The following PDE11A variants were observed in gnomAD, a reference collection of about 807,000 sequenced individuals.
The protein encoded by PDE11A is phosphodiesterase 11A.
In PDE11A, 100 loss-of-function variants were observed where a neutral mutation model predicts 100.5. That is an observed-to-expected ratio of 1.00 (90% CI 0.85 to 1.18). The LOEUF is 1.18. PDE11A is among the 50% of genes most tolerant of loss of function. The probability of loss-of-function intolerance (pLI) is 0.00; values close to 1 mark genes in which losing one functional copy is unlikely to be tolerated. For missense variants in PDE11A, 1,141 were observed against 1,152.6 expected, an observed-to-expected ratio of 0.99 and a Z score of 0.15; for synonymous variants, 381 against 420.8, an observed-to-expected ratio of 0.91 and a Z score of 1.16.
intron 2 of PDE11A, among the ~76,000 whole-genome samples, chr2:177,906,834 T>A (rs1243788770): frequency 1.3e-5 from 2 of 152,224 alleles, no homozygotes; most frequent in Non-Finnish European, 2.9e-5. Context: ...ACTTTCAATA[T>A]CACCTACACA....
Position 177,679,735 on chromosome 2 carries a change from C to A in PDE11A, c.2423+1091G>T, listed in dbSNP as rs139417905. Among the ~76,000 whole-genome samples the A allele has an allele frequency of 1.3e-3, 197 of 151,840 alleles. 1 individual carries two copies. The highest frequency in any genetic ancestry group is 4.6e-3 in the African/African-American group (191 of 41,390). On this transcript the variant is annotated intron_variant, in intron 16 of 19. Coordinates refer to ENST00000286063, the MANE Select transcript of PDE11A (RefSeq NM_016953.4). The stretch of plus-strand genomic sequence containing the variant: ...AGGGATGACTTTTTGATTGGGGAGG[C>A]AGAAGTGTGTTTTTAGGTCTAGAAA...
intron 2 of PDE11A, among the ~76,000 whole-genome samples, chr2:177,928,091 C>T (rs1441596364): frequency 5.4e-5 from 6 of 110,748 alleles, no homozygotes; most frequent in East Asian, 2.5e-4. Context: ...GCAACAAGAG[C>T]GAAACTCCAT....
chr2:177,880,567 G>T (rs2084314479), intron 4 of PDE11A, among the ~76,000 whole-genome samples: 1 of 152,180 alleles, frequency 6.6e-6, no homozygotes, highest in African/African-American at 2.4e-5. Context: ...AACTGTGAGT[G>T]TAACAGCTTT....
Position 177,701,185 on chromosome 2 carries a change from T to C in PDE11A, c.2180A>G (p.Tyr727Cys), listed in dbSNP as rs17400325. The C allele has an allele frequency of 0.036, 57,965 of 1,602,844 alleles. 1,255 individuals are homozygous for C. The highest frequency in any genetic ancestry group is 0.08 in the Middle Eastern group (479 of 6,012). The change falls in exon 14 of 20, where the codon TAT becomes TGT. Residue 727 changes from tyrosine (Y) to cysteine (C), a missense_variant. By Grantham distance (194) the Tyr-to-Cys change is radical (BLOSUM62 -2). Transcript: ENST00000286063. Reference protein sequence around the residue: ...AKSGSALAQLYGTSATLEHHH... With the variant: ...AKSGSALAQLCGTSATLEHHH... ...ATGCTCCAAGGTAGCAGAGGTTCCA[T>C]AGAGTTGGGCCAGGGCAGAGCCACT...
At chr2:177,997,698 TG>T in intron 2 of PDE11A, 1 of 1,552,596 alleles carries the variant, frequency 6.4e-7, no homozygotes, top group Non-Finnish European at 8.9e-7. Flanking sequence ...TTAAGAAATC[TG>T]GAAGTTTTTG....
chr2:177,875,177 T>C (rs1208251627), intron 5 of PDE11A, among the ~76,000 whole-genome samples: 4 of 151,824 alleles, frequency 2.6e-5, no homozygotes, highest in South Asian at 4.2e-4. Context: ...TGAGCCAAGA[T>C]TGCAGTGCTT....
intron 2 of PDE11A, among the ~76,000 whole-genome samples, chr2:177,966,313 T>C (rs1232170558): frequency 6.6e-6 from 1 of 152,200 alleles, no homozygotes; most frequent in Non-Finnish European, 1.5e-5. Context: ...GAGAAATAGT[T>C]TGACTTCCTC....
At chr2:178,074,359 T>C (rs1023414660), upstream of PDE11A, among the ~76,000 whole-genome samples, 4 of 152,156 alleles carry the variant, frequency 2.6e-5, no homozygotes, top group African/African-American at 9.7e-5. Flanking sequence ...ATGAATCGTA[T>C]GGTATGTAAG....
At chr2:177,965,282 T>C (rs2085684430) in intron 2 of PDE11A, among the ~76,000 whole-genome samples, 1 of 152,240 alleles carries the variant, frequency 6.6e-6, no homozygotes, top group Non-Finnish European at 1.5e-5. Context: ...CTTTGTCAGA[T>C]GCATAATTTG....
intron 10 of PDE11A, among the ~76,000 whole-genome samples, chr2:177,761,491 T>A (rs1358083916): frequency 6.6e-6 from 1 of 152,228 alleles, no homozygotes; most frequent in African/African-American, 2.4e-5. Context: ...ATATAAGGGT[T>A]ACCAAATGAG....
At chr2:177,659,421 A>T (rs1023911703) in intron 19 of PDE11A, among the ~76,000 whole-genome samples, 6 of 152,202 alleles carry the variant, frequency 3.9e-5, no homozygotes, top group African/African-American at 1.4e-4. Flanking sequence ...TAATGGAAAG[A>T]GAAAATTATT....
At chr2:177,834,602 C>G (rs968486220) in intron 6 of PDE11A, among the ~76,000 whole-genome samples, 1 of 152,170 alleles carries the variant, frequency 6.6e-6, no homozygotes, top group Non-Finnish European at 1.5e-5. Context: ...GGCCAGTGTT[C>G]CCCACCAGGC....
At chr2:178,079,178 A>G (rs2087252017) in intron 2 of PDE11A, among the ~76,000 whole-genome samples, 1 of 152,206 alleles carries the variant, frequency 6.6e-6, no homozygotes, top group African/African-American at 2.4e-5. Flanking sequence ...TCTGGGGCAC[A>G]TGTGCAGGGT....
chr2:177,946,503 A>G (rs1317353686), intron 2 of PDE11A, among the ~76,000 whole-genome samples: 1 of 22,876 alleles, frequency 4.4e-5, no homozygotes, highest in Non-Finnish European at 7.6e-5. Context: ...CCCGGGAAGG[A>G]GGTGGGGGGG....
chr2:177,793,487 G>C (rs1237390410), intron 9 of PDE11A, among the ~76,000 whole-genome samples: 1 of 147,298 alleles, frequency 6.8e-6, no homozygotes, highest in East Asian at 2.0e-4. Context: ...GGCTGGATGA[G>C]GATGGTGGAT....
At chr2:178,023,435 C>G (rs1489003872) in intron 1 of PDE11A, among the ~76,000 whole-genome samples, 1 of 152,178 alleles carries the variant, frequency 6.6e-6, no homozygotes, top group East Asian at 1.9e-4. Flanking sequence ...AGTTGAGAAT[C>G]TTATCCAGGT....
At chr2:178,001,311 T>TGTGTGTGTGTGTGTG (rs59287027) in intron 2 of PDE11A, among the ~76,000 whole-genome samples, 10 of 148,010 alleles carry the variant, frequency 6.8e-5, no homozygotes, top group African/African-American at 2.0e-4. Context: ...TGTGTGTGTG[T>TGTGTGTGTGTGTGTG]AGTAGGTTTA....
At chr2:177,850,755 A>G (rs1363184834) in intron 5 of PDE11A, among the ~76,000 whole-genome samples, 1 of 152,160 alleles carries the variant, frequency 6.6e-6, no homozygotes, top group Non-Finnish European at 1.5e-5. Context: ...CAAAGGAAGA[A>G]ATTTATGCAG....
chr2:177,878,344 C>G (rs1441151678), intron 4 of PDE11A, among the ~76,000 whole-genome samples: 1 of 152,112 alleles, frequency 6.6e-6, no homozygotes, highest in Non-Finnish European at 1.5e-5. Flanking sequence ...TCCTTAAATC[C>G]GGTGGGCTTC....
Sources: gnomAD v4.1 joint callset for allele counts (sites outside exome capture counted in the v4.1 genomes callset) on GRCh38, gnomAD v4.1.1 for gene constraint, MANE v1.5 for transcripts, NCBI Gene and HGNC (gene_info 2026-07-23, HGNC 2026-07-21) for gene names.